The following RIMS2 variants were observed in gnomAD, a reference collection of about 807,000 sequenced individuals.
RIMS2 encodes the protein regulating synaptic membrane exocytosis protein 2.
RIMS2 carries 59 observed loss-of-function variants against 174.4 expected under a neutral mutation model. That is an observed-to-expected ratio of 0.34 (90% CI 0.27 to 0.42). RIMS2 has a LOEUF of 0.42. Ranked by LOEUF, RIMS2 falls within the 10% of genes least tolerant of loss-of-function variation. RIMS2 has a pLI of 1.00. For missense variants in RIMS2, 1,620 were observed against 1,666.3 expected (o/e 0.97, Z 0.48); for synonymous variants, 606 against 572.5 (o/e 1.06, Z -0.84).
intron 14 of RIMS2, among the ~76,000 whole-genome samples, chr8:103,956,070 G>C (rs1394238540): frequency 1.3e-5 from 2 of 152,254 alleles, no homozygotes; most frequent in East Asian, 3.9e-4. Flanking sequence ...TCTTCAAGGA[G>C]AACTACAAAC....
chr8:103,713,969 T>C (rs564368807), intron 2 of RIMS2, among the ~76,000 whole-genome samples: 1 of 152,342 alleles, frequency 6.6e-6, no homozygotes, highest in African/African-American at 2.4e-5. Context: ...TCTTACCCAC[T>C]TGATGAGCAC....
At chr8:103,677,499 G>C (rs1357520993) in intron 1 of RIMS2, among the ~76,000 whole-genome samples, 1 of 152,146 alleles carries the variant, frequency 6.6e-6, no homozygotes, top group Non-Finnish European at 1.5e-5. Context: ...AACAAACTTA[G>C]ATAGCTCAAA....
intron 15 of RIMS2, among the ~76,000 whole-genome samples, chr8:103,965,190 A>T (rs1021091917): frequency 6.6e-6 from 1 of 152,152 alleles, no homozygotes; most frequent in Non-Finnish European, 1.5e-5. Context: ...GACTCCACAA[A>T]TTGATATGCT....
At chr8:104,059,801 G>C (rs1490652556) in intron 19 of RIMS2, among the ~76,000 whole-genome samples, 3 of 152,044 alleles carry the variant, frequency 2.0e-5, no homozygotes, top group African/African-American at 7.2e-5. Flanking sequence ...TTTTGTCAAA[G>C]GCCTTTTCTG....
intron 1 of RIMS2, among the ~76,000 whole-genome samples, chr8:103,674,998 A>G (rs1222894188): frequency 2.0e-5 from 3 of 152,118 alleles, no homozygotes; most frequent in Non-Finnish European, 2.9e-5. Flanking sequence ...ATTTTAAACT[A>G]CTGAAAAGAT....
chr8:104,216,749 A>G (rs948108361), intron 19 of RIMS2, among the ~76,000 whole-genome samples: 4 of 152,224 alleles, frequency 2.6e-5, no homozygotes, highest in African/African-American at 7.2e-5. Context: ...GTTAGCCACT[A>G]TTCCACTACA....
intron 2 of RIMS2, among the ~76,000 whole-genome samples, chr8:103,711,853 GC>G (rs947271489): frequency 6.6e-6 from 1 of 151,868 alleles, no homozygotes; most frequent in African/African-American, 2.4e-5. Flanking sequence ...GCCAAGATCT[GC>G]CACTGCACTC....
intron 1 of RIMS2, among the ~76,000 whole-genome samples, chr8:103,600,772 A>G (rs1024245048): frequency 6.6e-6 from 1 of 152,138 alleles, no homozygotes; most frequent in African/African-American, 2.4e-5. Flanking sequence ...GGAACCTGGA[A>G]ACTGTTCTCC....
chr8:103,572,735 A>C (rs2092925871), intron 1 of RIMS2, among the ~76,000 whole-genome samples: 1 of 152,068 alleles, frequency 6.6e-6, no homozygotes, highest in South Asian at 2.1e-4. Flanking sequence ...GCTCTTTGCC[A>C]ACTTTTTAAT....
At chr8:104,249,462 A>G (rs1485650063) in intron 21 of RIMS2, 25 bp from the exon 28 acceptor site, 1 of 1,311,822 alleles carries the variant, frequency 7.6e-7, no homozygotes. Context: ...ATTAAAGCAC[A>G]TTTGTTCCTT....
rs369298102 is a variant in RIMS2 at position 103,742,979 on chromosome 8, C to A, written c.388-23248C>A. Among the ~76,000 whole-genome samples the A allele has an allele frequency of 2.0e-5, 3 of 152,246 alleles. No individual in the cohort carries two copies. In the South Asian group the frequency reaches 6.2e-4, roughly 32 times the overall value. ...TATAAGATAGCGTACCATGAACAGG[C>A]TTTTTAAGGTCTGATCTACATTATT... On this transcript the variant is annotated intron_variant, in intron 2 of 23. Coordinates refer to ENST00000504942, the Ensembl canonical transcript of RIMS2.
intron 1 of RIMS2, chr8:103,568,938 G>A (rs1420448687): frequency 1.9e-5 from 15 of 796,772 alleles, no homozygotes; most frequent in Non-Finnish European, 3.0e-5. Flanking sequence ...AAACTGATCT[G>A]AAAGCGAGTT....
chr8:103,721,500 G>T (rs2097448107), intron 2 of RIMS2, among the ~76,000 whole-genome samples: 2 of 152,174 alleles, frequency 1.3e-5, no homozygotes, highest in African/African-American at 2.4e-5. Flanking sequence ...TATAGAAGAT[G>T]ATATTAGTAA....
chr8:103,798,427 T>C (rs1288316253), intron 3 of RIMS2, among the ~76,000 whole-genome samples: 3 of 152,250 alleles, frequency 2.0e-5, no homozygotes, highest in Middle Eastern at 3.4e-3. Flanking sequence ...TGTGTAAAAA[T>C]AGCATGACAG....
chr8:103,631,805 G>T (rs1424400721), intron 1 of RIMS2, among the ~76,000 whole-genome samples: 1 of 152,102 alleles, frequency 6.6e-6, no homozygotes, highest in Admixed American at 6.6e-5. Flanking sequence ...TGATTTCGTT[G>T]AGCAGTGTTT....
At chr8:103,625,294 AG>A (rs1478503095) in intron 1 of RIMS2, among the ~76,000 whole-genome samples, 1 of 152,168 alleles carries the variant, frequency 6.6e-6, no homozygotes, top group Non-Finnish European at 1.5e-5. Flanking sequence ...GAGGCACTTA[AG>A]GAGTACTGAA....
intron 3 of RIMS2, among the ~76,000 whole-genome samples, chr8:103,800,937 A>C (rs2098603324): frequency 6.6e-6 from 1 of 152,044 alleles, no homozygotes. Flanking sequence ...CTCTACTGCC[A>C]TTTGGGCCTA....
At chr8:104,204,538 T>TA (rs1194360638) in intron 19 of RIMS2, among the ~76,000 whole-genome samples, 1 of 152,256 alleles carries the variant, frequency 6.6e-6, no homozygotes, top group African/African-American at 2.4e-5. Context: ...GTGACTATAT[T>TA]AAAAAATTTA....
chr8:103,743,383 G>A (rs2097778924), intron 2 of RIMS2, among the ~76,000 whole-genome samples: 1 of 152,056 alleles, frequency 6.6e-6, no homozygotes, highest in Admixed American at 6.6e-5. Context: ...TTGTTTATCT[G>A]CAGTTTCTAT....
Sources: gnomAD v4.1 joint callset for allele counts (sites outside exome capture counted in the v4.1 genomes callset) on GRCh38, gnomAD v4.1.1 for gene constraint, MANE v1.5 for transcripts, NCBI Gene and HGNC (gene_info 2026-07-23, HGNC 2026-07-21) for gene names.